Variants in OFD1 observed in about 807,000 individuals in gnomAD.
OFD1 encodes centriole and centriolar satellite protein OFD1.
A neutral mutation model predicts 81.4 loss-of-function variants in OFD1; 12 were observed. That is an observed-to-expected ratio of 0.15 (90% CI 0.09 to 0.24). The LOEUF (loss-of-function observed/expected upper bound fraction) is 0.24, where lower values mean the gene tolerates loss of function less well. Ranked by LOEUF, OFD1 falls within the 10% of genes least tolerant of loss-of-function variation. The pLI, the probability that OFD1 is intolerant of heterozygous loss-of-function variation, is 1.00. For synonymous variants in OFD1, 256 were observed against 263.7 expected (o/e 0.97, Z 0.28); for missense variants, 685 against 733.9 (o/e 0.93, Z 0.77).
chrX:13,720,295 G>C, the OFD1 span: 1 of 138,312 alleles, frequency 7.2e-6, no homozygotes, highest in Non-Finnish European at 1.4e-5. Flanking sequence ...GGCCCTAAGT[G>C]TCTGGTAGAG....
At chrX:13,722,931 T>C in the OFD1 span, among the ~76,000 whole-genome samples, 2 of 109,809 alleles carry the variant, frequency 1.8e-5, no homozygotes, top group Non-Finnish European at 3.8e-5. Context: ...AGTGTGGTGG[T>C]GGGCACCTGT....
the OFD1 span, among the ~76,000 whole-genome samples, chrX:13,717,189 T>C: frequency 1.8e-5 from 2 of 110,908 alleles, no homozygotes; most frequent in African/African-American, 6.5e-5. Context: ...ATGGCGCTTA[T>C]AACGGCCTGC....
chrX:13,737,308 G>T (rs1602773880), intron 3 of OFD1, among the ~76,000 whole-genome samples: 1 of 103,515 alleles, frequency 9.7e-6, no homozygotes, highest in African/African-American at 3.6e-5. Flanking sequence ...CACCATTACT[G>T]TTGAACATTA....
upstream of OFD1, among the ~76,000 whole-genome samples, chrX:13,731,524 T>G (rs1016664352): frequency 8.9e-6 from 1 of 112,408 alleles, no homozygotes. Context: ...TTTTGGTATC[T>G]ACCTAAGAAC....
chrX:13,720,584 A>G, the OFD1 span: 1 of 112,420 alleles, frequency 8.9e-6, no homozygotes, highest in African/African-American at 3.2e-5. Context: ...TGTGCTATAA[A>G]TGTAAGTCTT....
At chrX:13,753,185 T>G (rs1232032213) in intron 10 of OFD1, 183 bp from the exon 11 acceptor site, 13 of 1,061,694 alleles carry the variant, frequency 1.2e-5, no homozygotes, top group Non-Finnish European at 1.6e-5. Context: ...AAGGAAGGGT[T>G]TTACTGGGCA....
the OFD1 span, among the ~76,000 whole-genome samples, chrX:13,727,925 C>T: frequency 9.0e-6 from 1 of 111,268 alleles, no homozygotes; most frequent in Non-Finnish European, 1.9e-5. Context: ...GATATCACCA[C>T]CGATCCCACA....
intron 5 of OFD1, among the ~76,000 whole-genome samples, chrX:13,743,389 T>G (rs2047180547): frequency 8.9e-6 from 1 of 112,718 alleles, no homozygotes; most frequent in Non-Finnish European, 1.9e-5. Context: ...GAGATCTGGT[T>G]GTTTTATTGT....
At chrX:13,771,958 C>T (rs141273258), downstream of OFD1, 2 of 112,257 alleles carry the variant, frequency 1.8e-5, no homozygotes, top group African/African-American at 6.5e-5. Context: ...CTGTAAACTT[C>T]GTATCCAGAC....
At chrX:13,755,095 C>G in intron 11 of OFD1, 56 bp from the exon 12 acceptor site, 1 of 879,454 alleles carries the variant, frequency 1.1e-6, no homozygotes, top group Non-Finnish European at 1.7e-6. Context: ...TATTAAATGG[C>G]TTTTGTATTC....
downstream of OFD1, among the ~76,000 whole-genome samples, chrX:13,770,118 C>G (rs932734189): frequency 8.9e-6 from 1 of 112,146 alleles, no homozygotes; most frequent in Non-Finnish European, 1.9e-5. Flanking sequence ...AAAATCTCTA[C>G]TGAACCCTCT....
upstream of OFD1, among the ~76,000 whole-genome samples, chrX:13,730,930 T>TG (rs1398940967): frequency 7.8e-4 from 18 of 23,092 alleles, no homozygotes; most frequent in African/African-American, 1.8e-3. Flanking sequence ...GGTGGGGGGC[T>TG]GGGGGAGGGA....
intron 5 of OFD1, among the ~76,000 whole-genome samples, chrX:13,743,742 A>G (rs1280579944): frequency 9.3e-6 from 1 of 107,298 alleles, no homozygotes; most frequent in African/African-American, 3.4e-5. Flanking sequence ...TCTGCAAACT[A>G]CCCATGTTTT....
At chrX:13,726,858 A>ACCCATC in the OFD1 span, among the ~76,000 whole-genome samples, 1 of 111,952 alleles carries the variant, frequency 8.9e-6, no homozygotes, top group Non-Finnish European at 1.9e-5. Flanking sequence ...TATTCAGGAA[A>ACCCATC]CCCATCTGAT....
chrX:13,733,975 T>C, upstream of OFD1: 2 of 511,459 alleles, frequency 3.9e-6, no homozygotes, highest in South Asian at 5.0e-5. Context: ...AACATTTTCA[T>C]TATCGCTTCT....
downstream of OFD1, chrX:13,772,571 T>C (rs1439479937): frequency 4.3e-6 from 1 of 233,634 alleles, no homozygotes; most frequent in African/African-American, 2.8e-5. Flanking sequence ...ACATATTCCA[T>C]TGAGTGTCTT....
chrX:13,745,748 T>C (rs1397703786), intron 6 of OFD1, among the ~76,000 whole-genome samples: 2 of 112,273 alleles, frequency 1.8e-5, no homozygotes, highest in African/African-American at 6.5e-5. Flanking sequence ...CCATAGTTGG[T>C]TTGAGGGCCA....
downstream of OFD1, among the ~76,000 whole-genome samples, chrX:13,769,840 A>G (rs896787845): frequency 7.2e-5 from 8 of 111,684 alleles, no homozygotes; most frequent in Non-Finnish European, 1.3e-4. Context: ...CCTTCACCAG[A>G]CATCGAACCT....
upstream of OFD1, among the ~76,000 whole-genome samples, chrX:13,733,815 C>T (rs146984183): frequency 3.3e-3 from 358 of 109,668 alleles, 2 homozygotes; most frequent in African/African-American, 0.011. Flanking sequence ...CCTTTTTGCT[C>T]ACCACCCGAA....
Sources: gnomAD v4.1 joint callset for allele counts (sites outside exome capture counted in the v4.1 genomes callset) on GRCh38, gnomAD v4.1.1 for gene constraint, MANE v1.5 for transcripts, NCBI Gene and HGNC (gene_info 2026-07-23, HGNC 2026-07-21) for gene names.